The following SORCS3 variants were observed in gnomAD, a reference collection of about 807,000 sequenced individuals.
SORCS3 encodes VPS10 domain-containing receptor SorCS3.
A neutral mutation model predicts 146.3 loss-of-function variants in SORCS3; 57 were observed. The observed-to-expected ratio is 0.39, with a 90% confidence interval of 0.31 to 0.49. The LOEUF is 0.49. Among genes scored for constraint, SORCS3 ranks in the 20% least tolerant of loss-of-function variants. SORCS3 has a pLI of 0.92. For missense variants in SORCS3, 1,341 were observed against 1,575.5 expected (o/e 0.85, Z 2.52); for synonymous variants, 653 against 618.5 (o/e 1.06, Z -0.83).
intron 4 of SORCS3, among the ~76,000 whole-genome samples, chr10:105,042,062 G>C (rs866572424): frequency 6.6e-6 from 1 of 152,204 alleles, no homozygotes; most frequent in Non-Finnish European, 1.5e-5. Flanking sequence ...TCACCTGTTA[G>C]AGGTGTTTAT....
At chr10:105,241,815 G>A (rs2056825228) in intron 20 of SORCS3, among the ~76,000 whole-genome samples, 1 of 152,146 alleles carries the variant, frequency 6.6e-6, no homozygotes, top group Non-Finnish European at 1.5e-5. Context: ...ATTGTGTGCT[G>A]ACTGGTTTGT....
chr10:104,850,490 G>A (rs1026095899), intron 2 of SORCS3, among the ~76,000 whole-genome samples: 5 of 152,134 alleles, frequency 3.3e-5, no homozygotes, highest in Admixed American at 3.3e-4. Context: ...GGACTGAGGC[G>A]GGAGGATCTC....
chr10:105,160,090 C>T (rs546456785), intron 11 of SORCS3, among the ~76,000 whole-genome samples: 69 of 152,222 alleles, frequency 4.5e-4, no homozygotes, highest in Non-Finnish European at 7.6e-4. Context: ...TTGGTTTTTC[C>T]AACTCAAGGG....
intron 7 of SORCS3, among the ~76,000 whole-genome samples, chr10:105,127,447 T>C (rs2055984162): frequency 6.6e-6 from 1 of 152,130 alleles, no homozygotes. Context: ...TCTTACCTTT[T>C]AGTACCAAGA....
intron 1 of SORCS3, among the ~76,000 whole-genome samples, chr10:104,810,054 T>G (rs1364636253): frequency 6.6e-6 from 1 of 152,208 alleles, no homozygotes; most frequent in Non-Finnish European, 1.5e-5. Flanking sequence ...ACAGAAAGCA[T>G]GTTCTTGTTT....
chr10:105,043,034 TC>T lies in SORCS3; in HGVS notation c.955-20del. Reference sequence around the variant, plus strand: ...AGCAGTGGTTCCTTGAGACTTACATTCTCACTTCATTGTTTTGCAGCTCTAC... The same window carrying T: ...AGCAGTGGTTCCTTGAGACTTACATTTCACTTCATTGTTTTGCAGCTCTAC... On this transcript the variant is annotated intron_variant, in intron 4 of 26. Coordinates refer to ENST00000369701, the MANE Select transcript of SORCS3 (RefSeq NM_014978.3). 1 of 1,611,196 alleles carries T rather than the reference TC, an allele frequency of 6.2e-7. No individual in the cohort carries two copies. The highest frequency in any genetic ancestry group is 1.7e-4 in the Middle Eastern group (1 of 6,048).
chr10:104,906,095 G>A (rs2018902182), intron 2 of SORCS3, among the ~76,000 whole-genome samples: 1 of 152,162 alleles, frequency 6.6e-6, no homozygotes, highest in Admixed American at 6.5e-5. Context: ...ACATAATTGT[G>A]CACATGTCAC....
chr10:105,256,014 A>G (rs1011687141), intron 24 of SORCS3, among the ~76,000 whole-genome samples: 5 of 152,194 alleles, frequency 3.3e-5, no homozygotes, highest in Non-Finnish European at 5.9e-5. Context: ...TAGCTTTGCC[A>G]TTGAATCCCT....
At chr10:104,868,366 T>C (rs1025409495) in intron 2 of SORCS3, among the ~76,000 whole-genome samples, 2 of 152,236 alleles carry the variant, frequency 1.3e-5, no homozygotes, top group Non-Finnish European at 2.9e-5. Context: ...TATTGCTGTT[T>C]CTAATGTGGT....
intron 12 of SORCS3, among the ~76,000 whole-genome samples, chr10:105,165,390 A>C (rs896856248): frequency 6.6e-6 from 1 of 152,204 alleles, no homozygotes; most frequent in African/African-American, 2.4e-5. Flanking sequence ...GGAGAAGACA[A>C]GAGAAAGACA....
chr10:104,928,433 C>G (rs373385568), intron 3 of SORCS3, among the ~76,000 whole-genome samples: 1 of 152,286 alleles, frequency 6.6e-6, no homozygotes, highest in South Asian at 2.1e-4. Flanking sequence ...TCCTCATGTT[C>G]CAATGCACAG....
chr10:105,151,747 A>G (rs2056169307), intron 9 of SORCS3, among the ~76,000 whole-genome samples: 1 of 152,152 alleles, frequency 6.6e-6, no homozygotes, highest in African/African-American at 2.4e-5. Context: ...GGCTGAGATA[A>G]TTTCCATTTC....
chr10:104,915,759 C>A (rs936669354), intron 2 of SORCS3, 74 bp from the exon 3 acceptor site: 18 of 1,283,276 alleles, frequency 1.4e-5, no homozygotes, highest in Non-Finnish European at 2.0e-5. Context: ...CGAGGGAGAA[C>A]CTGGCTTCCC....
intron 1 of SORCS3, among the ~76,000 whole-genome samples, chr10:104,675,541 A>G (rs1197077089): frequency 6.6e-6 from 1 of 152,120 alleles, no homozygotes; most frequent in African/African-American, 2.4e-5. Context: ...TGATTCTTCC[A>G]GAATTTGTTT....
intron 20 of SORCS3, among the ~76,000 whole-genome samples, chr10:105,232,479 C>T (rs1461137044): frequency 1.3e-5 from 2 of 151,922 alleles, no homozygotes; most frequent in Non-Finnish European, 2.9e-5. Flanking sequence ...TTGATATTTT[C>T]AAAGAACCAG....
chr10:104,874,306 G>A (rs970192597), intron 2 of SORCS3, among the ~76,000 whole-genome samples: 3 of 151,998 alleles, frequency 2.0e-5, no homozygotes, highest in African/African-American at 7.2e-5. Context: ...CATTCCTCTG[G>A]GTTTCTCTTC....
intron 19 of SORCS3, 77 bp from the exon 20 acceptor site, chr10:105,223,039 G>T (rs2119670577): frequency 2.8e-6 from 4 of 1,426,356 alleles, no homozygotes; most frequent in South Asian, 1.5e-5. Flanking sequence ...AGAATTTAAG[G>T]TTAAGAATCT....
At chr10:105,223,682 A>G (rs2056717740) in intron 20 of SORCS3, among the ~76,000 whole-genome samples, 1 of 152,208 alleles carries the variant, frequency 6.6e-6, no homozygotes, top group Admixed American at 6.5e-5. Flanking sequence ...ATCCTTATCA[A>G]TACTTACTAG....
At chr10:104,777,028 TG>T (rs1462267327) in intron 1 of SORCS3, among the ~76,000 whole-genome samples, 1 of 139,158 alleles carries the variant, frequency 7.2e-6, no homozygotes, top group East Asian at 2.1e-4. Flanking sequence ...GTGGAGGCTT[TG>T]GGGGCATCCT....
Sources: allele counts gnomAD v4.1 joint callset (sites outside exome capture counted in the v4.1 genomes callset), GRCh38; gene constraint gnomAD v4.1.1; transcripts MANE v1.5; gene names NCBI Gene and HGNC (gene_info 2026-07-23, HGNC 2026-07-21).